The following PARD3B variants were observed in gnomAD, a reference collection of about 807,000 sequenced individuals.
PARD3B encodes par-3 family cell polarity regulator beta.
A neutral mutation model predicts 130.2 loss-of-function variants in PARD3B; 103 were observed. The ratio of observed to expected loss-of-function variants is 0.79; its 90% CI spans 0.67 to 0.93. The LOEUF (loss-of-function observed/expected upper bound fraction) is 0.93, where lower values mean the gene tolerates loss of function less well. Ranked by LOEUF, PARD3B falls within the 40% of genes least tolerant of loss-of-function variation. PARD3B has a pLI of 0.00. For synonymous variants in PARD3B, 583 were observed against 553.2 expected (o/e 1.05, Z -0.76); for missense variants, 1,609 against 1,499.2 (o/e 1.07, Z -1.21).
chr2:205,291,298 G>A lies in PARD3B; in HGVS notation c.2186-9232G>A, dbSNP rs2041599264. 6.6e-6 allele frequency among the ~76,000 whole-genome samples: 1 copy of A among 152,130 alleles called. No homozygotes were observed. Among genetic ancestry groups the A allele is most frequent in the South Asian group, 2.1e-4 (1 of 4,818 alleles). On this transcript the variant is annotated intron_variant, in intron 16 of 22. Transcript: ENST00000406610. The surrounding 1 kb of genome is among the most constrained non-coding windows in gnomAD (Gnocchi z 4.6). ...ACCACCAACACCACCATCACAAGAG[G>A]AGAGCTGTAAAGAAAGCTTCGATCT...
intron 15 of PARD3B, among the ~76,000 whole-genome samples, chr2:205,227,309 C>G (rs529454986): frequency 3.9e-5 from 6 of 152,232 alleles, no homozygotes; most frequent in African/African-American, 1.4e-4. Context: ...GTATTGGGAT[C>G]TCTCTGCCTC....
intron 2 of PARD3B, among the ~76,000 whole-genome samples, chr2:204,874,349 G>T (rs1416644458): frequency 1.3e-5 from 2 of 152,102 alleles, no homozygotes; most frequent in Non-Finnish European, 2.9e-5. Flanking sequence ...GTTTTAAAAA[G>T]TAAGCACTCC....
chr2:204,993,952 T>C (rs1297172197), intron 3 of PARD3B, among the ~76,000 whole-genome samples: 1 of 152,044 alleles, frequency 6.6e-6, no homozygotes, highest in Admixed American at 6.5e-5. Context: ...TTATTGCATC[T>C]ATTTGATTCA....
chr2:204,890,375 A>G lies in PARD3B; in HGVS notation c.223-74777A>G, dbSNP rs943377822. 6.6e-6 allele frequency among the ~76,000 whole-genome samples: 1 copy of G among 152,214 alleles called. No homozygotes were observed. Among genetic ancestry groups the G allele is most frequent in the Admixed American group, 6.5e-5 (1 of 15,280 alleles). ...TTCCTAATATATCCAGAAGGAGAAA[A>G]TAATTTTCAGCCCCTAGTCAAGAAG... On this transcript the variant is annotated intron_variant, in intron 2 of 22. Coordinates refer to ENST00000406610, the MANE Select transcript of PARD3B (RefSeq NM_001302769.2). The surrounding 1 kb of genome is among the most constrained non-coding windows in gnomAD (Gnocchi z 4.9).
chr2:205,099,264 T>C (rs959392954), intron 4 of PARD3B, among the ~76,000 whole-genome samples: 5 of 152,172 alleles, frequency 3.3e-5, no homozygotes, highest in Non-Finnish European at 5.9e-5. Flanking sequence ...TCCAAAACCA[T>C]TATGTTTTCT....
intron 2 of PARD3B, among the ~76,000 whole-genome samples, chr2:204,788,229 C>T (rs184149685): frequency 2.0e-5 from 3 of 152,292 alleles, no homozygotes; most frequent in South Asian, 2.1e-4. Flanking sequence ...GGCTGAGATA[C>T]GCTGATACTT....
At chr2:205,533,544 T>G (rs566588124) in intron 21 of PARD3B, among the ~76,000 whole-genome samples, 2 of 152,098 alleles carry the variant, frequency 1.3e-5, no homozygotes, top group East Asian at 3.9e-4. Flanking sequence ...AGGCTAATTT[T>G]AAAATACAAA....
intron 15 of PARD3B, among the ~76,000 whole-genome samples, chr2:205,238,730 G>C (rs969701195): frequency 2.0e-5 from 3 of 149,496 alleles, no homozygotes; most frequent in African/African-American, 7.4e-5. Flanking sequence ...TACTTGGGAG[G>C]CTGAGGCAGG....
At chr2:205,248,943 T>G (rs1456262355) in intron 16 of PARD3B, among the ~76,000 whole-genome samples, 1 of 151,854 alleles carries the variant, frequency 6.6e-6, no homozygotes, top group African/African-American at 2.4e-5. Flanking sequence ...GTTAACTTCT[T>G]TTTGTTGTGA....
At chr2:205,251,598 T>G (rs1470677257) in intron 16 of PARD3B, among the ~76,000 whole-genome samples, 1 of 152,196 alleles carries the variant, frequency 6.6e-6, no homozygotes, top group Non-Finnish European at 1.5e-5. Context: ...TCATAAATTG[T>G]GTTGAGTCTT....
chr2:205,500,757 G>A (rs148882439), intron 21 of PARD3B, among the ~76,000 whole-genome samples: 186 of 152,316 alleles, frequency 1.2e-3, no homozygotes, highest in Non-Finnish European at 2.2e-3. Flanking sequence ...TAGAACAGTG[G>A]CTGACATAGA....
intron 2 of PARD3B, among the ~76,000 whole-genome samples, chr2:204,780,428 G>T (rs968477239): frequency 4.6e-5 from 7 of 152,150 alleles, no homozygotes; most frequent in Non-Finnish European, 8.8e-5. Context: ...AGGAAAGCCT[G>T]CATGAAACAG....
intron 3 of PARD3B, among the ~76,000 whole-genome samples, chr2:204,981,322 T>C (rs1692649557): frequency 6.6e-6 from 1 of 152,166 alleles, no homozygotes; most frequent in Admixed American, 6.5e-5. Context: ...AACCTAAATG[T>C]CCATCTTTGG....
intron 2 of PARD3B, among the ~76,000 whole-genome samples, chr2:204,924,341 A>G (rs1446907788): frequency 6.6e-6 from 1 of 152,100 alleles, no homozygotes; most frequent in Non-Finnish European, 1.5e-5. Flanking sequence ...GTAATGGGAC[A>G]TTGATTATAA....
rs188058223 is a variant in PARD3B at position 204,869,029 on chromosome 2, T to C, written c.223-96123T>C. 3.5e-3 allele frequency among the ~76,000 whole-genome samples: 526 copies of C among 152,330 alleles called. 2 individuals carry two copies. Among genetic ancestry groups the C allele is most frequent in the Middle Eastern group, 0.017 (5 of 294 alleles). ...AATGAGATATTCCCTGTATCTGACC[T>C]GTGTCTAATACAACTTTGTAGGCTG... On this transcript the variant is annotated intron_variant, in intron 2 of 22. Transcript: ENST00000406610.
intron 1 of PARD3B, among the ~76,000 whole-genome samples, chr2:204,614,338 C>A (rs2034033467): frequency 6.6e-6 from 1 of 151,746 alleles, no homozygotes; most frequent in Non-Finnish European, 1.5e-5. Flanking sequence ...CTTTAAAATC[C>A]AATATATATT....
chr2:205,438,173 C>T (rs182499459), intron 19 of PARD3B, among the ~76,000 whole-genome samples: 10 of 152,184 alleles, frequency 6.6e-5, no homozygotes, highest in Admixed American at 2.0e-4. Flanking sequence ...ATCAAAGAAA[C>T]GGTTTTGTTT....
chr2:204,607,593 G>A (rs965112996), intron 1 of PARD3B, among the ~76,000 whole-genome samples: 1 of 152,042 alleles, frequency 6.6e-6, no homozygotes, highest in East Asian at 1.9e-4. Flanking sequence ...CAACAAATAT[G>A]TAGAGGTTAA....
chr2:205,489,186 G>A (rs2049569140), intron 20 of PARD3B, among the ~76,000 whole-genome samples: 2 of 151,830 alleles, frequency 1.3e-5, no homozygotes, highest in South Asian at 4.2e-4. Context: ...TTTCTTCTGT[G>A]ACACCCACAT....
Sources: gnomAD v4.1 joint callset for allele counts (sites outside exome capture counted in the v4.1 genomes callset) on GRCh38, gnomAD v4.1.1 for gene constraint, Gnocchi (gnomAD v3.1) non-coding constraint, MANE v1.5 for transcripts, NCBI Gene and HGNC (gene_info 2026-07-23, HGNC 2026-07-21) for gene names.